The following KALRN variants were observed in gnomAD, a reference collection of about 807,000 sequenced individuals.
The protein encoded by KALRN is kalirin.
KALRN carries 70 observed loss-of-function variants against 353.7 expected under a neutral mutation model. The observed-to-expected ratio is 0.20, with a 90% CI of 0.16 to 0.24. KALRN has a LOEUF of 0.24. KALRN is among the 10% of genes least tolerant of loss of function. KALRN has a pLI of 1.00. For synonymous variants in KALRN, 1,391 were observed against 1,434.8 expected, an observed-to-expected ratio of 0.97 and a Z score of 0.69; for missense variants, 2,791 against 3,756.7, an observed-to-expected ratio of 0.74 and a Z score of 6.72.
intron 34 of KALRN, among the ~76,000 whole-genome samples, chr3:124,613,583 C>T (rs893077064): frequency 2.0e-5 from 3 of 152,168 alleles, no homozygotes; most frequent in South Asian, 2.1e-4. Flanking sequence ...TGTCCAGGGT[C>T]TTGTGTCATC....
Position 124,434,372 on chromosome 3 carries a change from C to A in KALRN, c.2895C>A (p.Ala965=). The change falls in exon 17 of 60, where the codon GCC becomes GCA. Residue 965 remains alanine (A), a synonymous_variant. Coordinates refer to ENST00000682506, the MANE Select transcript of KALRN (RefSeq NM_001388419.1). The stretch of plus-strand genomic sequence containing the variant: ...GTGCCCTGCAGGTACAGCAGAAAGC[C>A]GAGGTGCTGCTCCAGGCCGGCCACT... ...HQSALQVQQK[A]EVLLQAGHYD... is the part of the protein sequence containing the mutation. 1 of 1,613,890 alleles carries A rather than the reference C, an allele frequency of 6.2e-7. No individual in the cohort carries two copies. Among genetic ancestry groups the A allele is most frequent in the South Asian group, 1.1e-5 (1 of 91,074 alleles).
chr3:124,056,837 T>C (rs150707128), intron 1 of KALRN, among the ~76,000 whole-genome samples: 1 of 152,346 alleles, frequency 6.6e-6, no homozygotes, highest in East Asian at 1.9e-4. Context: ...CAAATATTTA[T>C]GGGCTTCCCA....
chr3:124,269,926 A>G (rs754293541), intron 5 of KALRN, among the ~76,000 whole-genome samples: 2 of 152,186 alleles, frequency 1.3e-5, no homozygotes, highest in African/African-American at 2.4e-5. Flanking sequence ...TTGTTTCCAA[A>G]GGTTTCTCTT....
chr3:124,321,502 C>G (rs1490394849), intron 6 of KALRN, among the ~76,000 whole-genome samples: 1 of 152,202 alleles, frequency 6.6e-6, no homozygotes, highest in Non-Finnish European at 1.5e-5. Context: ...AGTGGGAGCC[C>G]TTTTGGCAGG....
At chr3:124,103,642 C>G (rs2062048336) in intron 1 of KALRN, among the ~76,000 whole-genome samples, 1 of 152,098 alleles carries the variant, frequency 6.6e-6, no homozygotes, top group African/African-American at 2.4e-5. Flanking sequence ...GCTTACAATT[C>G]AAACTCCTGA....
At chr3:124,319,430 T>C (rs912060249) in intron 6 of KALRN, among the ~76,000 whole-genome samples, 1 of 151,412 alleles carries the variant, frequency 6.6e-6, no homozygotes, top group South Asian at 2.1e-4. Flanking sequence ...AAAGAGTGAA[T>C]TGATAAAAGT....
intron 33 of KALRN, among the ~76,000 whole-genome samples, chr3:124,541,974 G>T (rs191682514): frequency 6.6e-6 from 1 of 152,140 alleles, no homozygotes; most frequent in East Asian, 1.9e-4. Flanking sequence ...AGAGGGAGAC[G>T]CTGTCTCAAA....
chr3:124,107,908 G>C (rs1042290068), intron 1 of KALRN, among the ~76,000 whole-genome samples: 3 of 152,204 alleles, frequency 2.0e-5, no homozygotes, highest in African/African-American at 7.2e-5. Flanking sequence ...TGGACAGAAT[G>C]GGTCTCCTTT....
intron 33 of KALRN, among the ~76,000 whole-genome samples, chr3:124,532,935 A>G (rs2068170831): frequency 6.8e-6 from 1 of 148,104 alleles, no homozygotes; most frequent in Non-Finnish European, 1.5e-5. Context: ...CATGACTTTT[A>G]TGGGAAAAAA....
At chr3:124,418,675 C>T (rs531120641) in intron 14 of KALRN, among the ~76,000 whole-genome samples, 3 of 152,318 alleles carry the variant, frequency 2.0e-5, no homozygotes, top group East Asian at 1.9e-4. Context: ...AAGTGGTACC[C>T]TCATCTGGTA....
chr3:124,238,545 A>G (rs1287575163), intron 3 of KALRN, among the ~76,000 whole-genome samples: 2 of 152,188 alleles, frequency 1.3e-5, no homozygotes, highest in Non-Finnish European at 2.9e-5. Context: ...ATTGGAAAAA[A>G]CAATGCATCA....
intron 7 of KALRN, among the ~76,000 whole-genome samples, chr3:124,327,380 G>T (rs1027316179): frequency 6.6e-6 from 1 of 152,160 alleles, no homozygotes; most frequent in African/African-American, 2.4e-5. Flanking sequence ...TTAACATAGT[G>T]AAAATATCAA....
At chr3:124,657,592 A>T (rs1346771746) in intron 40 of KALRN, 41 bp downstream of exon 40, 1 of 1,505,564 alleles carries the variant, frequency 6.6e-7, no homozygotes, top group Non-Finnish European at 9.2e-7. Flanking sequence ...TGTCCTGGGA[A>T]TCCAGGACTT....
intron 3 of KALRN, among the ~76,000 whole-genome samples, chr3:124,236,793 G>A (rs2079829512): frequency 6.6e-6 from 1 of 152,210 alleles, no homozygotes. Flanking sequence ...TGAAAAAGGT[G>A]GAATAATACA....
chr3:124,418,714 T>A (rs2092632643), intron 14 of KALRN, among the ~76,000 whole-genome samples: 1 of 152,212 alleles, frequency 6.6e-6, no homozygotes. Flanking sequence ...ACGCTTATTA[T>A]TGTTAGCTGT....
intron 11 of KALRN, among the ~76,000 whole-genome samples, chr3:124,392,184 G>A (rs2089489408): frequency 6.6e-6 from 1 of 151,984 alleles, no homozygotes; most frequent in Non-Finnish European, 1.5e-5. Flanking sequence ...TAAGTAGCTG[G>A]GGCTACAGGC....
intron 1 of KALRN, among the ~76,000 whole-genome samples, chr3:124,204,156 T>A (rs946431280): frequency 1.3e-5 from 2 of 152,336 alleles, no homozygotes; most frequent in Non-Finnish European, 2.9e-5. Flanking sequence ...CCAGTCAACC[T>A]TACATAGGTT....
intron 34 of KALRN, among the ~76,000 whole-genome samples, chr3:124,587,152 C>T (rs2075280614): frequency 6.6e-6 from 1 of 152,172 alleles, no homozygotes; most frequent in South Asian, 2.1e-4. Context: ...CTGACTGCCT[C>T]CCTTTTCAGT....
chr3:124,451,079 G>C (rs566889473), intron 21 of KALRN, among the ~76,000 whole-genome samples: 2 of 151,984 alleles, frequency 1.3e-5, no homozygotes, highest in South Asian at 4.2e-4. Flanking sequence ...CTCATTATAA[G>C]GAATATCAAT....
Sources: gnomAD v4.1 joint callset for allele counts (sites outside exome capture counted in the v4.1 genomes callset) on GRCh38, gnomAD v4.1.1 for gene constraint, MANE v1.5 for transcripts, NCBI Gene and HGNC (gene_info 2026-07-23, HGNC 2026-07-21) for gene names.